WDPCP: variants seen among roughly 807,000 people sequenced by gnomAD.
WDPCP encodes WD repeat-containing and planar cell polarity effector protein fritz homolog.
In WDPCP, 71 loss-of-function variants were observed where a neutral mutation model predicts 93.1. The observed-to-expected ratio is 0.76, with a 90% confidence interval of 0.63 to 0.93. WDPCP has a LOEUF of 0.93. Among genes scored for constraint, WDPCP ranks in the 40% least tolerant of loss-of-function variants. The pLI is 0.00. For missense variants in WDPCP, 844 were observed against 887.4 expected, an observed-to-expected ratio of 0.95 and a Z score of 0.62; for synonymous variants, 315 against 315.0, an observed-to-expected ratio of 1.00 and a Z score of 0.00.
intron 13 of WDPCP, among the ~76,000 whole-genome samples, chr2:63,282,813 C>T (rs1054286535): frequency 2.6e-5 from 4 of 152,072 alleles, no homozygotes; most frequent in Non-Finnish European, 5.9e-5. Flanking sequence ...CCCAAGAATA[C>T]CAAAATCTAC....
At chr2:63,837,486 GAC>G in the WDPCP span, among the ~76,000 whole-genome samples, 1 of 152,164 alleles carries the variant, frequency 6.6e-6, no homozygotes, top group Non-Finnish European at 1.5e-5. Flanking sequence ...CTTTGGGCAT[GAC>G]ACAGAAATTT....
Position 63,596,446 on chromosome 2 carries a change from G to T in WDPCP, n.488+54213C>A, listed in dbSNP as rs552254002. Among the ~76,000 whole-genome samples, 237 of 152,262 alleles carry T rather than the reference G, an allele frequency of 1.6e-3. 1 individual carries two copies. The highest frequency in any genetic ancestry group is 5.1e-3 in the African/African-American group (210 of 41,552). ...CCACAGCTCTTTCCAAATCAGCTTT[G>T]CTGCTTTTTCCCATTTGTATTCCTT... On this transcript the variant is annotated intron_variant and non_coding_transcript_variant, in intron 3 of 4. Coordinates refer to the WDPCP transcript ENST00000467687.
intron 17 of WDPCP, among the ~76,000 whole-genome samples, chr2:63,150,406 C>A (rs1352714639): frequency 6.6e-6 from 1 of 152,090 alleles, no homozygotes; most frequent in African/African-American, 2.4e-5. Context: ...TAGACAGAGG[C>A]CAGGGATTGC....
rs116057465 is a variant in WDPCP, at chr2:63,539,957, A to C, written c.76-47017T>G. ...TTTCGCCATTCTCATTGGAATGTTAAATAAAAGCAGGATATTCCATTAAAA... is the reference window on the plus strand; with the variant it reads ...TTTCGCCATTCTCATTGGAATGTTACATAAAAGCAGGATATTCCATTAAAA... On this transcript the variant is annotated intron_variant, in intron 1 of 17. Coordinates refer to ENST00000272321, the MANE Select transcript of WDPCP (RefSeq NM_015910.7). Among the ~76,000 whole-genome samples the C allele has an allele frequency of 6.6e-3, 1,005 of 152,282 alleles. 11 individuals are homozygous for C. The highest frequency in any genetic ancestry group is 8.1e-3 in the Non-Finnish European group (549 of 68,016).
intron 12 of WDPCP, among the ~76,000 whole-genome samples, chr2:63,372,179 C>T (rs1691453607): frequency 6.6e-6 from 1 of 152,062 alleles, no homozygotes; most frequent in South Asian, 2.1e-4. Context: ...GTTTAACCAA[C>T]CAAATATGGT....
chr2:63,326,796 G>A (rs771578866), intron 12 of WDPCP, among the ~76,000 whole-genome samples: 1 of 152,052 alleles, frequency 6.6e-6, no homozygotes, highest in African/African-American at 2.4e-5. Context: ...AAAGAGAGAC[G>A]AAGATGTCAA....
chr2:63,189,828 A>G (rs1395779570), intron 14 of WDPCP, among the ~76,000 whole-genome samples: 3 of 152,146 alleles, frequency 2.0e-5, no homozygotes, highest in Non-Finnish European at 4.4e-5. Flanking sequence ...CTATTAACAT[A>G]CTTATTTTCC....
At position 63,437,757 on chromosome 2, in the gene WDPCP, T is replaced by C. The variant is rs1461754351; in HGVS notation, c.500-203A>G. On this transcript the variant is annotated intron_variant, in intron 7 of 17. Transcript: ENST00000272321. ...GTCAATCTAATCATATGTGATTTTT[T>C]TTCCTGTGACTATTTCAATATACAC... The C allele has an allele frequency of 7.2e-6, 9 of 1,250,700 alleles. No homozygotes were observed. In the African/African-American group the frequency reaches 7.5e-5, roughly 10 times the overall value. The allele number at this position is 1,250,700 out of a possible 1,614,324, so 77.5% of individuals were successfully genotyped here.
chr2:63,435,493 C>A (rs1697074644), intron 8 of WDPCP, among the ~76,000 whole-genome samples: 1 of 152,086 alleles, frequency 6.6e-6, no homozygotes, highest in African/African-American at 2.4e-5. Flanking sequence ...CTTAAAAATA[C>A]ACATACATTA....
intron 10 of WDPCP, among the ~76,000 whole-genome samples, chr2:63,390,221 T>C (rs1478109179): frequency 2.0e-5 from 3 of 152,044 alleles, no homozygotes; most frequent in African/African-American, 7.2e-5. Context: ...GCAATCAAAT[T>C]AGAACTCAGG....
chr2:63,520,690 G>C (rs1469581829), intron 1 of WDPCP, among the ~76,000 whole-genome samples: 1 of 152,048 alleles, frequency 6.6e-6, no homozygotes, highest in East Asian at 1.9e-4. Context: ...CCAGGAGTTT[G>C]AGACCAGCCT....
intron 10 of WDPCP, among the ~76,000 whole-genome samples, chr2:63,395,587 C>T (rs775167637): frequency 5.3e-5 from 8 of 152,098 alleles, no homozygotes; most frequent in Non-Finnish European, 8.8e-5. Context: ...TAATGGAAAG[C>T]GTATCAATGC....
At chr2:63,458,262 G>A (rs1199930602) in intron 6 of WDPCP, among the ~76,000 whole-genome samples, 11 of 149,940 alleles carry the variant, frequency 7.3e-5, no homozygotes, top group African/African-American at 2.7e-4. Context: ...CATTCGAATT[G>A]GAAAACAGAA....
At chr2:63,553,558 T>C (rs1006691984) in intron 1 of WDPCP, among the ~76,000 whole-genome samples, 8 of 152,150 alleles carry the variant, frequency 5.3e-5, no homozygotes, top group African/African-American at 1.9e-4. Flanking sequence ...GACCTCAACA[T>C]ATTCAAGACA....
At chr2:63,350,841 G>C (rs568997877) in intron 12 of WDPCP, among the ~76,000 whole-genome samples, 1 of 152,108 alleles carries the variant, frequency 6.6e-6, no homozygotes, top group African/African-American at 2.4e-5. Context: ...AATGCAAATA[G>C]CCAATTTATA....
At chr2:63,364,736 C>T (rs1450971084) in intron 12 of WDPCP, among the ~76,000 whole-genome samples, 1 of 152,210 alleles carries the variant, frequency 6.6e-6, no homozygotes. Flanking sequence ...TTTTCAATAA[C>T]CTCTTACTTA....
At chr2:63,772,194 T>A (rs555950427) in intron 2 of WDPCP, among the ~76,000 whole-genome samples, 1 of 152,214 alleles carries the variant, frequency 6.6e-6, no homozygotes, top group African/African-American at 2.4e-5. Flanking sequence ...CTCTGAAGCA[T>A]CTGCCTTTTT....
At chr2:63,717,512 C>T (rs886902690) in intron 2 of WDPCP, 3 of 447,638 alleles carry the variant, frequency 6.7e-6, no homozygotes, top group Non-Finnish European at 1.3e-5. Flanking sequence ...GAATACATCT[C>T]GAACAAACTC....
At chr2:63,214,430 C>T (rs184492880) in intron 14 of WDPCP, among the ~76,000 whole-genome samples, 74 of 152,142 alleles carry the variant, frequency 4.9e-4, no homozygotes, top group Non-Finnish European at 9.6e-4. Context: ...CAGTGCTTCA[C>T]GCTAAAAACT....
Sources: allele counts gnomAD v4.1 joint callset (sites outside exome capture counted in the v4.1 genomes callset), GRCh38; gene constraint gnomAD v4.1.1; transcripts MANE v1.5; gene names NCBI Gene and HGNC (gene_info 2026-07-23, HGNC 2026-07-21).